The following STAB2 variants were observed in gnomAD, a reference collection of about 807,000 sequenced individuals.
The protein encoded by STAB2 is stabilin-2.
A neutral mutation model predicts 338.1 loss-of-function variants in STAB2; 288 were observed. The observed-to-expected ratio is 0.85, with a 90% CI of 0.77 to 0.94. The LOEUF is 0.94. Ranked by LOEUF, STAB2 falls within the 40% of genes least tolerant of loss-of-function variation. The probability of loss-of-function intolerance (pLI) is 0.00; values close to 1 mark genes in which losing one functional copy is unlikely to be tolerated. For missense variants in STAB2, 3,141 were observed against 3,210.1 expected (o/e 0.98, Z 0.52); for synonymous variants, 1,202 against 1,193.3 (o/e 1.01, Z -0.15).
chr12:103,658,652 C>T (rs1874372423), intron 15 of STAB2, among the ~76,000 whole-genome samples: 1 of 152,214 alleles, frequency 6.6e-6, no homozygotes, highest in African/African-American at 2.4e-5. Flanking sequence ...GAAGGTTACA[C>T]ACAAGCAGAA....
intron 3 of STAB2, among the ~76,000 whole-genome samples, chr12:103,604,068 G>A (rs1168879020): frequency 6.6e-6 from 1 of 152,080 alleles, no homozygotes; most frequent in African/African-American, 2.4e-5. Context: ...CTCATATCCT[G>A]AGAAATTACT....
intron 23 of STAB2, among the ~76,000 whole-genome samples, chr12:103,674,718 C>A (rs192709574): frequency 6.6e-6 from 1 of 152,208 alleles, no homozygotes; most frequent in East Asian, 1.9e-4. Context: ...AGCTCCAAGG[C>A]AGTAACCACC....
At chr12:103,607,527 C>A (rs1424857571) in intron 3 of STAB2, among the ~76,000 whole-genome samples, 1 of 150,972 alleles carries the variant, frequency 6.6e-6, no homozygotes, top group African/African-American at 2.4e-5. Flanking sequence ...CTAATGCTAT[C>A]CCTCCCTCCT....
At chr12:103,744,828 C>T (rs1157202255) in intron 56 of STAB2, among the ~76,000 whole-genome samples, 1 of 152,116 alleles carries the variant, frequency 6.6e-6, no homozygotes, top group Non-Finnish European at 1.5e-5. Context: ...GAGATGATCT[C>T]CCTAAATGTT....
chr12:103,708,500 T>C lies in STAB2; in HGVS notation c.4252T>C (p.Cys1418Arg). The C allele has an allele frequency of 6.2e-7, 1 of 1,614,076 alleles. No homozygotes were observed. The highest frequency in any genetic ancestry group is 8.5e-7 in the Non-Finnish European group (1 of 1,179,910). The change falls in exon 39 of 69, where the codon TGT (cysteine) becomes CGT (arginine). Residue 1418 changes from cysteine (C) to arginine (R), a missense_variant. Physicochemically the swap from Cys to Arg is radical, Grantham distance 180. Coordinates refer to ENST00000388887, the MANE Select transcript of STAB2 (RefSeq NM_017564.10). ...ACCCTTGGGAGATGGCTCCTGTGAC[T>C]GTGATGTTGGCTGGCGAGGAGTGCA... ...QGPLGDGSCD[C>R]DVGWRGVHCD...
intron 21 of STAB2, among the ~76,000 whole-genome samples, chr12:103,670,348 G>A (rs1378055731): frequency 6.6e-6 from 1 of 152,198 alleles, no homozygotes; most frequent in African/African-American, 2.4e-5. Flanking sequence ...ACTGCAGTTT[G>A]GAGTCACAGA....
In STAB2 at chr12:103,711,390, C is replaced by T. The variant is rs972817653; in HGVS notation, c.4289-81C>T. ...ATACATATCACTTCCAAAGAAGTAG[C>T]TTTTCTGAGCACAAAATACTAAAAA... On this transcript the variant is annotated intron_variant, in intron 39 of 68. Transcript: ENST00000388887. The T allele has an allele frequency of 3.8e-6, 6 of 1,587,120 alleles. No homozygotes were observed. The African/African-American group carries it at 4.0e-5, about 11-fold the overall frequency.
intron 22 of STAB2, among the ~76,000 whole-genome samples, chr12:103,671,710 G>A (rs557061475): frequency 2.8e-4 from 43 of 152,238 alleles, no homozygotes; most frequent in Middle Eastern, 3.4e-3. Context: ...TTTATCTATT[G>A]TTGTTGCTGT....
intron 52 of STAB2, among the ~76,000 whole-genome samples, chr12:103,736,764 G>A (rs1183994526): frequency 1.3e-5 from 2 of 152,092 alleles, no homozygotes; most frequent in Non-Finnish European, 2.9e-5. Flanking sequence ...AACACGCAAG[G>A]CTTTAACCAC....
At chr12:103,742,875 C>A (rs560093417) in intron 56 of STAB2, among the ~76,000 whole-genome samples, 7 of 152,310 alleles carry the variant, frequency 4.6e-5, no homozygotes, top group Non-Finnish European at 8.8e-5. Context: ...GATTAAGTGC[C>A]TACTATGTGC....
intron 9 of STAB2, among the ~76,000 whole-genome samples, chr12:103,646,238 A>G (rs1873320172): frequency 6.6e-6 from 1 of 152,218 alleles, no homozygotes; most frequent in South Asian, 2.1e-4. Flanking sequence ...ACTTTCTCCT[A>G]GAAGCTGTCC....
Position 103,730,265 on chromosome 12 carries a change from ACTCT to A in STAB2, c.5223+12_5223+15del, listed in dbSNP as rs757117654. On this transcript the variant is annotated intron_variant, in intron 49 of 68. Coordinates refer to ENST00000388887, the MANE Select transcript of STAB2 (RefSeq NM_017564.10). ...ACTCTGGAAGAATTCTGGTAGGTAA[ACTCT>A]CTGTTATGTTTTCAGCCTGGAGTGA... 4 of 1,612,902 alleles carry A rather than the reference ACTCT, an allele frequency of 2.5e-6. No homozygotes were observed. The highest frequency in any genetic ancestry group is 2.2e-5 in the South Asian group (2 of 91,022).
chr12:103,753,495 C>T (rs1883852082), intron 61 of STAB2, 142 bp downstream of exon 61: 1 of 1,137,582 alleles, frequency 8.8e-7, no homozygotes, highest in African/African-American at 1.6e-5. Context: ...TAACAGTCAC[C>T]ATGTCCATTT....
intron 39 of STAB2, among the ~76,000 whole-genome samples, chr12:103,709,232 A>C (rs530618157): frequency 7.2e-5 from 11 of 152,334 alleles, no homozygotes; most frequent in African/African-American, 2.4e-4. Context: ...CACCTGGAAT[A>C]CCACAACGAC....
chr12:103,716,542 C>CT (rs1157834455), intron 43 of STAB2, among the ~76,000 whole-genome samples: 1 of 152,178 alleles, frequency 6.6e-6, no homozygotes. Context: ...AGTGAATGCT[C>CT]TATTGACCTA....
intron 67 of STAB2, 85 bp downstream of exon 67, chr12:103,762,487 C>T (rs971518749): frequency 1.8e-5 from 28 of 1,592,444 alleles, no homozygotes; most frequent in Middle Eastern, 3.4e-4. Context: ...TCGGTGGCTG[C>T]GCCAGAGTCC....
chr12:103,690,472 G>T lies in STAB2; in HGVS notation c.3231G>T (p.Leu1077=). 6.2e-7 allele frequency: 1 copy of T among 1,614,120 alleles called. No individual in the cohort carries two copies. The highest frequency in any genetic ancestry group is 8.5e-7 in the Non-Finnish European group (1 of 1,179,966). ...GTYRVADLQT[L]SSSDMLATSL... The stretch of plus-strand genomic sequence containing the variant: ...ACAGAGTGGCAGATCTGCAGACCCT[G>T]TCTTCTTCTGACATGTTGGCAACAT... The change falls in exon 30 of 69, where the codon CTG becomes CTT. Residue 1077 remains leucine, a synonymous_variant. Coordinates refer to ENST00000388887, the MANE Select transcript of STAB2 (RefSeq NM_017564.10).
intron 9 of STAB2, among the ~76,000 whole-genome samples, chr12:103,644,530 AAAATAAATAAATAAAT>A (rs58759684): frequency 0.064 from 9,276 of 144,310 alleles, 887 homozygotes; most frequent in African/African-American, 0.22. Context: ...ATGATCAATA[AAAATAAATAAATAAAT>A]AAATAAATAA....
At chr12:103,731,220 C>T (rs536992387) in intron 49 of STAB2, among the ~76,000 whole-genome samples, 1 of 152,304 alleles carries the variant, frequency 6.6e-6, no homozygotes, top group African/African-American at 2.4e-5. Context: ...AGACACTGGG[C>T]TATAGATGTC....
Sources: gnomAD v4.1 joint callset for allele counts (sites outside exome capture counted in the v4.1 genomes callset) on GRCh38, gnomAD v4.1.1 for gene constraint, MANE v1.5 for transcripts, NCBI Gene and HGNC (gene_info 2026-07-23, HGNC 2026-07-21) for gene names.